Variants in KAZN observed in about 807,000 individuals in gnomAD.
The protein encoded by KAZN is kazrin, periplakin interacting protein.
KAZN carries 40 observed loss-of-function variants against 87.4 expected under a neutral mutation model. The ratio of observed to expected loss-of-function variants is 0.46; its 90% CI spans 0.36 to 0.60. The LOEUF (loss-of-function observed/expected upper bound fraction) is 0.60, where lower values mean the gene tolerates loss of function less well. KAZN is among the 20% of genes least tolerant of loss of function. The probability of loss-of-function intolerance (pLI) is 0.00; values close to 1 mark genes in which losing one functional copy is unlikely to be tolerated. For missense variants in KAZN, 898 were observed against 1,073.9 expected (o/e 0.84, Z 2.29); for synonymous variants, 466 against 458.3 (o/e 1.02, Z -0.22).
At chr1:14,063,379 T>C (rs1642870590) in intron 1 of KAZN, among the ~76,000 whole-genome samples, 1 of 152,200 alleles carries the variant, frequency 6.6e-6, no homozygotes, top group South Asian at 2.1e-4. Flanking sequence ...GCTAGCTGTG[T>C]TGCCTGTTAA....
intron 2 of KAZN, among the ~76,000 whole-genome samples, chr1:14,435,928 T>C (rs1666359727): frequency 6.6e-6 from 1 of 152,202 alleles, no homozygotes; most frequent in Admixed American, 6.5e-5. Flanking sequence ...CGTTACTGTG[T>C]GCTGCCACTG....
At chr1:14,534,103 C>T (rs1045417447) in intron 2 of KAZN, among the ~76,000 whole-genome samples, 8 of 152,052 alleles carry the variant, frequency 5.3e-5, no homozygotes, top group African/African-American at 1.7e-4. Context: ...AGACCAAGGA[C>T]GGAGGTGCAT....
chr1:14,524,685 C>T (rs1469211314), intron 2 of KAZN, among the ~76,000 whole-genome samples: 4 of 152,176 alleles, frequency 2.6e-5, no homozygotes, highest in African/African-American at 9.7e-5. Flanking sequence ...CTCCATAAAA[C>T]CCAGCAAACT....
intron 10 of KAZN, among the ~76,000 whole-genome samples, chr1:15,095,404 G>A (rs1640763609): frequency 6.6e-6 from 1 of 152,186 alleles, no homozygotes; most frequent in South Asian, 2.1e-4. Flanking sequence ...GAGCGGGCCA[G>A]GTGGAGGGGG....
At chr1:14,251,082 A>G (rs1649989727) in intron 2 of KAZN, among the ~76,000 whole-genome samples, 1 of 152,134 alleles carries the variant, frequency 6.6e-6, no homozygotes, top group African/African-American at 2.4e-5. Context: ...CTAACCCTGG[A>G]ACTGAAACTA....
chr1:14,946,398 C>T (rs1178293856), intron 1 of KAZN, among the ~76,000 whole-genome samples: 1 of 149,650 alleles, frequency 6.7e-6, no homozygotes, highest in Non-Finnish European at 1.5e-5. Flanking sequence ...AGTGCAGTGG[C>T]ACAATCTCAG....
chr1:14,116,951 C>T (rs1644636441), intron 1 of KAZN, among the ~76,000 whole-genome samples: 1 of 152,200 alleles, frequency 6.6e-6, no homozygotes, highest in African/African-American at 2.4e-5. Context: ...GAGCCTGTAG[C>T]CCCTTTGTTC....
chr1:14,616,003 T>C (rs991868177), intron 1 of KAZN, among the ~76,000 whole-genome samples: 1 of 152,102 alleles, frequency 6.6e-6, no homozygotes, highest in African/African-American at 2.4e-5. Context: ...GCCAGAGACA[T>C]GCGCAGGAGA....
At chr1:14,860,296 A>G (rs1650687679) in intron 1 of KAZN, among the ~76,000 whole-genome samples, 1 of 151,936 alleles carries the variant, frequency 6.6e-6, no homozygotes, top group Non-Finnish European at 1.5e-5. Context: ...GGTTCAAGCA[A>G]TTCTTCCACC....
intron 1 of KAZN, among the ~76,000 whole-genome samples, chr1:13,948,569 A>G: frequency 6.6e-6 from 1 of 152,168 alleles, no homozygotes; most frequent in South Asian, 2.1e-4. Context: ...GGACTCATAC[A>G]CATCTGGTGT....
intron 1 of KAZN, among the ~76,000 whole-genome samples, chr1:14,955,944 A>C (rs1410671470): frequency 6.6e-6 from 1 of 152,234 alleles, no homozygotes; most frequent in Non-Finnish European, 1.5e-5. Flanking sequence ...TGCCCAGTTA[A>C]ATTTAAATTT....
At chr1:13,982,037 A>C (rs115863235) in intron 1 of KAZN, among the ~76,000 whole-genome samples, 1 of 151,962 alleles carries the variant, frequency 6.6e-6, no homozygotes, top group Non-Finnish European at 1.5e-5. Context: ...GTTGATTCCC[A>C]CCCCTCAGAG....
chr1:14,234,505 TAACA>T (rs1257145121), intron 2 of KAZN, among the ~76,000 whole-genome samples: 2 of 152,102 alleles, frequency 1.3e-5, no homozygotes, highest in Admixed American at 1.3e-4. Flanking sequence ...TATACCTATG[TAACA>T]AACCTGCACG....
intron 2 of KAZN, among the ~76,000 whole-genome samples, chr1:14,284,914 A>C (rs1653122076): frequency 6.6e-6 from 1 of 152,234 alleles, no homozygotes; most frequent in Non-Finnish European, 1.5e-5. Context: ...CCTACAGCCC[A>C]AAACACTGGG....
intron 1 of KAZN, among the ~76,000 whole-genome samples, chr1:14,158,095 GTCT>G (rs1342678940): frequency 6.6e-6 from 1 of 152,142 alleles, no homozygotes; most frequent in Admixed American, 6.5e-5. Context: ...TTCAGGTTGA[GTCT>G]TCTTGGTATT....
chr1:14,493,947 A>G (rs1013423067), intron 2 of KAZN, among the ~76,000 whole-genome samples: 2 of 152,142 alleles, frequency 1.3e-5, no homozygotes, highest in Non-Finnish European at 2.9e-5. Context: ...TCTCAAGACA[A>G]TTCTCTTTCA....
intron 2 of KAZN, among the ~76,000 whole-genome samples, chr1:15,029,654 TG>T (rs964399570): frequency 1.3e-5 from 2 of 152,158 alleles, no homozygotes; most frequent in Non-Finnish European, 1.5e-5. Context: ...GTTGAGGTGC[TG>T]GGGGGGTTCC....
chr1:14,198,750 T>C (rs1205786641), intron 2 of KAZN, among the ~76,000 whole-genome samples: 1 of 152,196 alleles, frequency 6.6e-6, no homozygotes, highest in African/African-American at 2.4e-5. Flanking sequence ...TGTCCAGCAC[T>C]AGTATAACCA....
intron 1 of KAZN, among the ~76,000 whole-genome samples, chr1:14,173,622 T>C (rs1348581055): frequency 2.0e-5 from 3 of 152,084 alleles, no homozygotes; most frequent in Admixed American, 2.0e-4. Flanking sequence ...TAAATTGTTA[T>C]AAATGTGAAG....
Sources: gnomAD v4.1 joint callset for allele counts (sites outside exome capture counted in the v4.1 genomes callset) on GRCh38, gnomAD v4.1.1 for gene constraint, MANE v1.5 for transcripts, NCBI Gene and HGNC (gene_info 2026-07-23, HGNC 2026-07-21) for gene names.